The following SIN3A variants were observed in gnomAD, a reference collection of about 807,000 sequenced individuals.
SIN3A encodes the protein paired amphipathic helix protein Sin3a.
In SIN3A, 14 loss-of-function variants were observed where a neutral mutation model predicts 146.1. The ratio of observed to expected loss-of-function variants is 0.10; its 90% CI spans 0.06 to 0.15. The LOEUF is 0.15. Ranked by LOEUF, SIN3A falls within the 10% of genes least tolerant of loss-of-function variation. The probability of loss-of-function intolerance (pLI) is 1.00; values close to 1 mark genes in which losing one functional copy is unlikely to be tolerated. For synonymous variants in SIN3A, 572 were observed against 572.0 expected (o/e 1.00, Z 0.00); for missense variants, 1,028 against 1,576.0 (o/e 0.65, Z 5.89).
At chr15:75,386,673 A>G (rs1270109283) in intron 16 of SIN3A, among the ~76,000 whole-genome samples, 1 of 152,226 alleles carries the variant, frequency 6.6e-6, no homozygotes, top group East Asian at 1.9e-4. Flanking sequence ...CATGGAGCAG[A>G]AGTCCAGAGT....
upstream of SIN3A, among the ~76,000 whole-genome samples, chr15:75,452,412 A>T (rs1193553360): frequency 1.3e-5 from 2 of 152,236 alleles, no homozygotes; most frequent in Non-Finnish European, 2.9e-5. Context: ...AAGGAAAGGC[A>T]GCCCACCATG....
intron 1 of SIN3A, among the ~76,000 whole-genome samples, chr15:75,445,544 C>A (rs1436356217): frequency 6.6e-6 from 1 of 151,254 alleles, no homozygotes; most frequent in Non-Finnish European, 1.5e-5. Flanking sequence ...GCACTCCAGC[C>A]TGGGAGACAG....
intron 2 of SIN3A, among the ~76,000 whole-genome samples, chr15:75,429,813 T>C (rs2073984671): frequency 6.6e-6 from 1 of 152,206 alleles, no homozygotes; most frequent in South Asian, 2.1e-4. Context: ...TATGGGGTTT[T>C]TAAAACAAAG....
intron 2 of SIN3A, among the ~76,000 whole-genome samples, chr15:75,429,898 T>C (rs1268253174): frequency 1.3e-5 from 2 of 152,216 alleles, no homozygotes; most frequent in African/African-American, 2.4e-5. Flanking sequence ...TGTTAGTTTT[T>C]TTAAGTAAAT....
intron 2 of SIN3A, among the ~76,000 whole-genome samples, chr15:75,425,290 C>T (rs1158481731): frequency 6.6e-6 from 1 of 152,230 alleles, no homozygotes; most frequent in Non-Finnish European, 1.5e-5. Flanking sequence ...CCTGCCTTAG[C>T]CTCCTGAGTA....
intron 3 of SIN3A, among the ~76,000 whole-genome samples, chr15:75,414,594 G>A (rs754935074): frequency 1.3e-5 from 2 of 152,156 alleles, no homozygotes; most frequent in Non-Finnish European, 2.9e-5. Flanking sequence ...CATTTCACAA[G>A]TATCTACTAA....
intron 9 of SIN3A, 51 bp downstream of exon 9, chr15:75,407,004 T>G (rs1196561361): frequency 7.7e-7 from 1 of 1,302,112 alleles, no homozygotes; most frequent in South Asian, 1.2e-5. Context: ...ATAAGATGAT[T>G]TTCTTTTGGC....
In SIN3A at chr15:75,422,537, G is replaced by A. The variant is rs1031531785; in HGVS notation, c.366+110C>T. ...ACAAAAACGGTAAAACTTGTGATTC[G>A]ACAGCTAGTATCTCAGGTTAGAAGT... On this transcript the variant is annotated intron_variant, in intron 3 of 20. Transcript: ENST00000394947. 6.2e-5 allele frequency: 76 copies of A among 1,229,652 alleles called. 1 individual carries two copies. Among genetic ancestry groups the A allele is most frequent in the Non-Finnish European group, 8.9e-5 (74 of 834,628 alleles). The allele number at this position is 1,229,652 out of a possible 1,614,324, so 76.2% of individuals were successfully genotyped here.
In SIN3A at chr15:75,382,786, A is replaced by C. The variant is rs569505927; in HGVS notation, c.3196-1081T>G. ...ACATGGTGAAACCACATCTCTACTA[A>C]AAATACAAAAATTAGACCGGGTGCA... is the stretch of plus-strand genomic sequence containing the variant. On this transcript the variant is annotated intron_variant, in intron 17 of 20. Transcript: ENST00000394947. 2.6e-5 allele frequency among the ~76,000 whole-genome samples: 4 copies of C among 152,114 alleles called. No individual in the cohort carries two copies. In the South Asian group the frequency reaches 8.3e-4, roughly 32 times the overall value.
At chr15:75,399,175 G>A (rs1052845026) in intron 12 of SIN3A, among the ~76,000 whole-genome samples, 1 of 151,912 alleles carries the variant, frequency 6.6e-6, no homozygotes. Flanking sequence ...AACTGTGATT[G>A]TGCCACTGCA....
At chr15:75,397,705 T>C (rs2073330798) in intron 12 of SIN3A, among the ~76,000 whole-genome samples, 1 of 152,134 alleles carries the variant, frequency 6.6e-6, no homozygotes, top group Admixed American at 6.5e-5. Flanking sequence ...TCCCACCAAA[T>C]CTTAAACACA....
Position 75,430,235 on chromosome 15 carries a change from G to A in SIN3A, c.141C>T (p.Thr47=), listed in dbSNP as rs370139085. The A allele has an allele frequency of 9.9e-6, 16 of 1,614,132 alleles. 1 individual carries two copies. Among genetic ancestry groups the A allele is most frequent in the African/African-American group, 5.3e-5 (4 of 75,046 alleles). ...APPVYEAVSE[T]MQSATGIQYS... is the part of the protein sequence containing the mutation. Reference sequence around the variant, plus strand: ...ACTGAATTCCCGTAGCTGACTGCATGGTCTCAGACACTGCTTCATACACAG... The same window carrying A: ...ACTGAATTCCCGTAGCTGACTGCATAGTCTCAGACACTGCTTCATACACAG... The change falls in exon 2 of 21, where the codon ACC becomes ACT. Residue 47 remains threonine (T), a synonymous_variant. Coordinates refer to ENST00000394947, the MANE Select transcript of SIN3A (RefSeq NM_001145358.2).
intron 9 of SIN3A, among the ~76,000 whole-genome samples, chr15:75,406,608 A>G (rs1394540919): frequency 6.6e-6 from 1 of 151,904 alleles, no homozygotes. Context: ...AATGGCGTGA[A>G]CCCCAGGAGG....
intron 1 of SIN3A, among the ~76,000 whole-genome samples, chr15:75,444,801 T>C (rs1332569070): frequency 6.6e-6 from 1 of 152,254 alleles, no homozygotes; most frequent in Non-Finnish European, 1.5e-5. Context: ...GTTGATTTTC[T>C]GATTTGATCA....
chr15:75,396,243 C>T lies in SIN3A; in HGVS notation c.2093+15G>A, dbSNP rs745348817. 6.4e-7 allele frequency: 1 copy of T among 1,571,954 alleles called. No individual in the cohort carries two copies. The highest frequency in any genetic ancestry group is 1.3e-5 in the African/African-American group (1 of 74,230). On this transcript the variant is annotated intron_variant, in intron 13 of 20. Transcript: ENST00000394947. ...GAAGTACACTAAAGCACTAAGGGCA[C>T]ATTTGCTCATGTACCTTTTAAGGAC...
chr15:75,413,110 T>A (rs1048445574), intron 4 of SIN3A, 65 bp from the exon 5 acceptor site: 96 of 1,491,566 alleles, frequency 6.4e-5, no homozygotes, highest in Non-Finnish European at 8.0e-5. Flanking sequence ...TAAGAAAAAA[T>A]TTCATGTTTT....
chr15:75,414,881 G>A (rs755934821), intron 3 of SIN3A, among the ~76,000 whole-genome samples: 10 of 152,148 alleles, frequency 6.6e-5, no homozygotes, highest in African/African-American at 1.2e-4. Context: ...GCGGCAGCAC[G>A]GGTAAAATCC....
intron 3 of SIN3A, among the ~76,000 whole-genome samples, chr15:75,418,934 T>A (rs1343776168): frequency 6.6e-6 from 1 of 152,080 alleles, no homozygotes; most frequent in Non-Finnish European, 1.5e-5. Context: ...TTTTTTTCTA[T>A]TTTTAGTAGA....
At chr15:75,423,449 C>T (rs1323792723) in intron 2 of SIN3A, among the ~76,000 whole-genome samples, 1 of 152,034 alleles carries the variant, frequency 6.6e-6, no homozygotes, top group African/African-American at 2.4e-5. Context: ...GAGGCCAATG[C>T]AGGCGGATCA....
Sources: gnomAD v4.1 joint callset for allele counts (sites outside exome capture counted in the v4.1 genomes callset) on GRCh38, gnomAD v4.1.1 for gene constraint, MANE v1.5 for transcripts, NCBI Gene and HGNC (gene_info 2026-07-23, HGNC 2026-07-21) for gene names.